LY96: variants seen among roughly 807,000 people sequenced by gnomAD.
The protein encoded by LY96 is lymphocyte antigen 96, also known as myeloid differentiation protein-2.
In LY96, 18 loss-of-function variants were observed where a neutral mutation model predicts 18.9. That is an observed-to-expected ratio of 0.95 (90% CI 0.66 to 1.41). The LOEUF (loss-of-function observed/expected upper bound fraction) is 1.41, where lower values mean the gene tolerates loss of function less well. Ranked by LOEUF, LY96 falls within the 40% of genes most tolerant of loss-of-function variation. The pLI is 0.00. For missense variants in LY96, 175 were observed against 182.4 expected, an observed-to-expected ratio of 0.96 and a Z score of 0.23; for synonymous variants, 66 against 62.6, an observed-to-expected ratio of 1.06 and a Z score of -0.26.
At chr8:74,078,110 TAA>T in the LY96 span, among the ~76,000 whole-genome samples, 8,300 of 122,126 alleles carry the variant, frequency 0.068, 704 homozygotes, top group African/African-American at 0.2. Flanking sequence ...CCTGTCTCAA[TAA>T]AAAAAAAAAA....
At chr8:74,089,377 G>A in the LY96 span, among the ~76,000 whole-genome samples, 9 of 152,228 alleles carry the variant, frequency 5.9e-5, 1 homozygote, top group South Asian at 2.1e-4. Context: ...TTTGGTCACC[G>A]AGAGCATTAA....
intron 3 of LY96, among the ~76,000 whole-genome samples, chr8:74,018,348 G>A (rs1210841399): frequency 6.6e-6 from 1 of 152,080 alleles, no homozygotes; most frequent in East Asian, 1.9e-4. Flanking sequence ...AAAGGTAAAG[G>A]GATCAATTCA....
chr8:74,029,685 A>G (rs547230854), downstream of LY96, among the ~76,000 whole-genome samples: 48 of 152,162 alleles, frequency 3.2e-4, no homozygotes, highest in Non-Finnish European at 5.3e-4. Flanking sequence ...TTTGAGATGG[A>G]GTCTCACTCT....
chr8:74,063,459 T>A, the LY96 span, among the ~76,000 whole-genome samples: 1 of 152,172 alleles, frequency 6.6e-6, no homozygotes, highest in South Asian at 2.1e-4. Flanking sequence ...TTAAAAAAAA[T>A]TTGTCCTGTG....
chr8:74,032,516 A>G (rs534371234), downstream of LY96, among the ~76,000 whole-genome samples: 3 of 152,240 alleles, frequency 2.0e-5, no homozygotes, highest in South Asian at 6.2e-4. Flanking sequence ...TGCTTGCTCA[A>G]TCGATCACGA....
the LY96 span, among the ~76,000 whole-genome samples, chr8:74,050,299 C>T: frequency 4.6e-5 from 7 of 151,972 alleles, no homozygotes; most frequent in East Asian, 1.4e-3. Context: ...GCTGAGATAG[C>T]ACCACTGTAC....
chr8:74,015,284 T>C (rs2131273288), intron 3 of LY96, among the ~76,000 whole-genome samples: 1 of 152,292 alleles, frequency 6.6e-6, no homozygotes, highest in East Asian at 1.9e-4. Flanking sequence ...ATAAACTGAA[T>C]ACCTTAGAAA....
chr8:74,076,560 G>T, the LY96 span, among the ~76,000 whole-genome samples: 1 of 151,866 alleles, frequency 6.6e-6, no homozygotes, highest in Non-Finnish European at 1.5e-5. Context: ...CTTGATCTCA[G>T]GTGATCCACC....
intron 4 of LY96, among the ~76,000 whole-genome samples, chr8:74,027,920 TGAG>T (rs1816902573): frequency 6.6e-6 from 1 of 152,186 alleles, no homozygotes; most frequent in Non-Finnish European, 1.5e-5. Flanking sequence ...CATGGAGGTT[TGAG>T]GAGTTCCTTC....
At chr8:74,050,523 A>T in the LY96 span, among the ~76,000 whole-genome samples, 1 of 152,130 alleles carries the variant, frequency 6.6e-6, no homozygotes, top group Non-Finnish European at 1.5e-5. Context: ...ATAAAATAAT[A>T]TATTTAATAT....
At chr8:74,018,504 G>C (rs1816691616) in intron 3 of LY96, among the ~76,000 whole-genome samples, 1 of 152,132 alleles carries the variant, frequency 6.6e-6, no homozygotes, top group African/African-American at 2.4e-5. Flanking sequence ...GTCAATATTA[G>C]ACAGATCAAT....
At chr8:74,089,156 A>G in the LY96 span, among the ~76,000 whole-genome samples, 1 of 152,180 alleles carries the variant, frequency 6.6e-6, no homozygotes, top group East Asian at 1.9e-4. Flanking sequence ...TCCTGGAATG[A>G]TCAGTGATGA....
chr8:74,004,020 C>A (rs1010535754), intron 1 of LY96, among the ~76,000 whole-genome samples: 1 of 152,038 alleles, frequency 6.6e-6, no homozygotes, highest in Admixed American at 6.6e-5. Context: ...ATCTACCAGC[C>A]CAAGCTGCTG....
At chr8:74,001,961 TCC>T in intron 1 of LY96, among the ~76,000 whole-genome samples, 1 of 142,256 alleles carries the variant, frequency 7.0e-6, no homozygotes, top group African/African-American at 2.7e-5. Flanking sequence ...CTTCCTTCCT[TCC>T]TTCCTTCCTT....
the LY96 span, among the ~76,000 whole-genome samples, chr8:74,078,608 G>A: frequency 6.6e-6 from 1 of 152,080 alleles, no homozygotes; most frequent in African/African-American, 2.4e-5. Flanking sequence ...GGAGTTCAAA[G>A]CTGGCCACTT....
At chr8:74,055,262 C>T in the LY96 span, among the ~76,000 whole-genome samples, 3 of 152,032 alleles carry the variant, frequency 2.0e-5, no homozygotes, top group Non-Finnish European at 4.4e-5. Context: ...TTTTTATGTC[C>T]TTTTTATACA....
chr8:74,070,045 A>G, the LY96 span, among the ~76,000 whole-genome samples: 1 of 152,024 alleles, frequency 6.6e-6, no homozygotes, highest in Admixed American at 6.6e-5. Flanking sequence ...AATATATTTC[A>G]TATTAGAAAG....
At chr8:74,001,022 C>T (rs1376299321) in intron 1 of LY96, among the ~76,000 whole-genome samples, 1 of 152,192 alleles carries the variant, frequency 6.6e-6, no homozygotes, top group Non-Finnish European at 1.5e-5. Context: ...AGAGGTTCCA[C>T]CCCTCAACAC....
chr8:74,055,392 G>A, the LY96 span, among the ~76,000 whole-genome samples: 7 of 152,050 alleles, frequency 4.6e-5, no homozygotes, highest in East Asian at 1.9e-4. Flanking sequence ...CATGACCTTG[G>A]GCAAGTTATT....
Sources: gnomAD v4.1 joint callset for allele counts (sites outside exome capture counted in the v4.1 genomes callset) on GRCh38, gnomAD v4.1.1 for gene constraint, MANE v1.5 for transcripts, NCBI Gene and HGNC (gene_info 2026-07-23, HGNC 2026-07-21) for gene names.